Variants in RMDN2 observed in about 807,000 individuals in gnomAD.
RMDN2 encodes regulator of microtubule dynamics protein 2.
Under a neutral mutation model 52.8 loss-of-function variants are expected in RMDN2, and 61 were observed. That is an observed-to-expected ratio of 1.16 (90% CI 0.94 to 1.43). The LOEUF is 1.43. Ranked by LOEUF, RMDN2 falls within the 40% of genes most tolerant of loss-of-function variation. RMDN2 has a pLI of 0.00. For missense variants in RMDN2, 592 were observed against 475.3 expected, an observed-to-expected ratio of 1.25 and a Z score of -2.28; for synonymous variants, 180 against 153.1, an observed-to-expected ratio of 1.18 and a Z score of -1.30.
intron 1 of RMDN2, among the ~76,000 whole-genome samples, chr2:37,926,928 TC>T (rs1398956172): frequency 2.2e-5 from 3 of 137,806 alleles, no homozygotes; most frequent in Non-Finnish European, 4.8e-5. Flanking sequence ...AGAGCGAGAC[TC>T]TAAAAAAAAA....
intron 4 of RMDN2, among the ~76,000 whole-genome samples, chr2:37,977,765 TGG>T: frequency 6.9e-6 from 1 of 145,208 alleles, no homozygotes; most frequent in South Asian, 2.2e-4. Context: ...AGACGATGGG[TGG>T]CCGGGCAGAG....
chr2:38,022,544 G>A (rs1679470588), downstream of RMDN2, among the ~76,000 whole-genome samples: 1 of 152,208 alleles, frequency 6.6e-6, no homozygotes, highest in South Asian at 2.1e-4. Flanking sequence ...CGGGAGTTCT[G>A]ACCCAAACTT....
At chr2:38,032,061 A>G (rs1160096727) in intron 10 of RMDN2, among the ~76,000 whole-genome samples, 1 of 152,254 alleles carries the variant, frequency 6.6e-6, no homozygotes, top group Non-Finnish European at 1.5e-5. Flanking sequence ...CCATTCATAG[A>G]AAGAGTGCCT....
intron 2 of RMDN2, among the ~76,000 whole-genome samples, chr2:37,947,074 G>A (rs921894596): frequency 1.3e-5 from 2 of 151,898 alleles, no homozygotes; most frequent in Non-Finnish European, 2.9e-5. Flanking sequence ...GATTTTTGTA[G>A]ATTTAGAGGG....
chr2:37,979,926 A>G (rs543840432), intron 4 of RMDN2, among the ~76,000 whole-genome samples: 6 of 152,282 alleles, frequency 3.9e-5, no homozygotes, highest in South Asian at 2.1e-4. Context: ...TTTCTTTAAT[A>G]TTTGTTCACA....
At chr2:37,950,325 AG>A in intron 2 of RMDN2, 1 of 832,404 alleles carries the variant, frequency 1.2e-6, no homozygotes, top group Admixed American at 2.6e-5. Flanking sequence ...CCAACAGTGA[AG>A]GTAGAAACAC....
chr2:38,049,031 G>C (rs1022771519), intron 10 of RMDN2, among the ~76,000 whole-genome samples: 1 of 152,206 alleles, frequency 6.6e-6, no homozygotes, highest in Non-Finnish European at 1.5e-5. Context: ...TTAGGAGCCT[G>C]CTTGTTGACA....
intron 10 of RMDN2, among the ~76,000 whole-genome samples, chr2:38,042,300 C>G (rs1422001468): frequency 6.6e-6 from 1 of 151,884 alleles, no homozygotes; most frequent in African/African-American, 2.4e-5. Context: ...TAAACCCTCC[C>G]CAATCTCTGA....
At chr2:37,925,593 G>A (rs1351027976) in intron 1 of RMDN2, among the ~76,000 whole-genome samples, 168 bp downstream of exon 1, 2 of 152,238 alleles carry the variant, frequency 1.3e-5, no homozygotes, top group Admixed American at 1.3e-4. Context: ...GCGTTCCCGG[G>A]GCTGGAGCAG....
At chr2:38,064,065 T>C (rs967610641) in intron 10 of RMDN2, among the ~76,000 whole-genome samples, 3 of 152,164 alleles carry the variant, frequency 2.0e-5, no homozygotes, top group Non-Finnish European at 4.4e-5. Context: ...ATGTACTAAA[T>C]CATGTAAAAT....
intron 4 of RMDN2, among the ~76,000 whole-genome samples, chr2:37,981,041 C>T (rs963000577): frequency 9.2e-5 from 14 of 152,204 alleles, no homozygotes; most frequent in African/African-American, 3.4e-4. Context: ...TAGTGGGTGT[C>T]AAACCTTAGC....
intron 4 of RMDN2, among the ~76,000 whole-genome samples, chr2:37,978,492 A>G (rs1027627253): frequency 2.0e-5 from 3 of 152,186 alleles, no homozygotes; most frequent in African/African-American, 7.2e-5. Context: ...TCAAATAATC[A>G]TACATATACA....
At chr2:38,052,351 GC>G (rs1276621448) in intron 10 of RMDN2, among the ~76,000 whole-genome samples, 1 of 151,918 alleles carries the variant, frequency 6.6e-6, no homozygotes, top group African/African-American at 2.4e-5. Flanking sequence ...CAGATCCTTT[GC>G]CCACTTTTTA....
At chr2:37,927,234 T>A (rs1666352861) in intron 1 of RMDN2, among the ~76,000 whole-genome samples, 1 of 152,234 alleles carries the variant, frequency 6.6e-6, no homozygotes, top group African/African-American at 2.4e-5. Flanking sequence ...TTCACCTCCT[T>A]GTTGATGCTT....
chr2:37,971,490 G>A (rs943896509), intron 2 of RMDN2, among the ~76,000 whole-genome samples: 10 of 152,026 alleles, frequency 6.6e-5, no homozygotes, highest in Non-Finnish European at 1.5e-4. Flanking sequence ...TCTGTATTTT[G>A]TACTAGATTT....
chr2:37,984,499 TTAG>T (rs1245382290), intron 5 of RMDN2, among the ~76,000 whole-genome samples: 2 of 152,228 alleles, frequency 1.3e-5, no homozygotes, highest in Non-Finnish European at 2.9e-5. Context: ...TGTGTATTGA[TTAG>T]TAATCAGAGC....
intron 4 of RMDN2, among the ~76,000 whole-genome samples, chr2:37,978,782 A>AGATAGATG (rs1672908223): frequency 7.0e-6 from 1 of 142,146 alleles, no homozygotes; most frequent in Non-Finnish European, 1.6e-5. Context: ...TTTCTCAGAT[A>AGATAGATG]GATAGATAGA....
chr2:37,963,695 G>A (rs949836607), intron 2 of RMDN2, among the ~76,000 whole-genome samples: 2 of 152,152 alleles, frequency 1.3e-5, no homozygotes, highest in African/African-American at 4.8e-5. Context: ...AGAACAAAAT[G>A]GAGTCTCCTA....
chr2:37,929,500 A>G lies in RMDN2; in HGVS notation c.223A>G (p.Ile75Val), dbSNP rs924184985. 6.4e-7 allele frequency: 1 copy of G among 1,551,232 alleles called. No homozygotes were observed. The highest frequency in any genetic ancestry group is 2.0e-5 in the Admixed American group (1 of 51,016). ...TVIFQERQLQ[I>V]LEKLNELLTN... Reference sequence around the variant, plus strand: ...AATCTTTCAAGAAAGGCAACTTCAGATACTGGAGAAGTTAAACGAATTACT... The same window carrying G: ...AATCTTTCAAGAAAGGCAACTTCAGGTACTGGAGAAGTTAAACGAATTACT... Residue 75 changes from isoleucine to valine, a missense_variant, in exon 2 of 11, where the codon ATA (isoleucine) becomes GTA (valine). Physicochemically the swap from Ile to Val is conservative, Grantham distance 29. Coordinates refer to ENST00000354545, the MANE Select transcript of RMDN2 (RefSeq NM_001170791.3).
Sources: gnomAD v4.1 joint callset for allele counts (sites outside exome capture counted in the v4.1 genomes callset) on GRCh38, gnomAD v4.1.1 for gene constraint, MANE v1.5 for transcripts, NCBI Gene and HGNC (gene_info 2026-07-23, HGNC 2026-07-21) for gene names.